DNAH11: variants seen among roughly 807,000 people sequenced by gnomAD.
DNAH11 encodes axonemal beta dynein heavy chain 11.
DNAH11 carries 442 observed loss-of-function variants against 526.0 expected under a neutral mutation model. The ratio of observed to expected loss-of-function variants is 0.84; its 90% CI spans 0.78 to 0.91. The LOEUF (loss-of-function observed/expected upper bound fraction) is 0.91. Among genes scored for constraint, DNAH11 ranks in the 40% least tolerant of loss-of-function variants. DNAH11 has a pLI of 0.00. For synonymous variants in DNAH11, 2,461 were observed against 1,935.9 expected (o/e 1.27, Z -7.12); for missense variants, 6,989 against 5,448.7 (o/e 1.28, Z -8.90).
intron 68 of DNAH11, 135 bp from the exon 69 acceptor site, chr7:21,861,718 C>G (rs1783069931): frequency 1.3e-6 from 1 of 761,948 alleles, no homozygotes; most frequent in Non-Finnish European, 2.1e-6. Flanking sequence ...GTGCCAGAAA[C>G]TATAATCCTC....
At chr7:21,773,665 T>C in intron 55 of DNAH11, 101 bp from the exon 56 acceptor site, 1 of 904,734 alleles carries the variant, frequency 1.1e-6, no homozygotes, top group Non-Finnish European at 1.6e-6. Context: ...TCATTTTTTT[T>C]TCTGACTTTT....
intron 8 of DNAH11, among the ~76,000 whole-genome samples, chr7:21,580,598 G>C (rs1310144538): frequency 6.6e-6 from 1 of 152,164 alleles, no homozygotes; most frequent in African/African-American, 2.4e-5. Flanking sequence ...GCTCCCGCAG[G>C]TTCAGTGTCT....
intron 56 of DNAH11, among the ~76,000 whole-genome samples, chr7:21,775,937 A>G (rs572113486): frequency 6.6e-6 from 1 of 152,298 alleles, no homozygotes; most frequent in South Asian, 2.1e-4. Context: ...GGGCATCCTT[A>G]GCAAAGAGAT....
chr7:21,688,866 C>T (rs1433714401), intron 34 of DNAH11, among the ~76,000 whole-genome samples: 8 of 152,190 alleles, frequency 5.3e-5, no homozygotes, highest in Admixed American at 5.2e-4. Flanking sequence ...AATTCTGGTT[C>T]TCTTTGTAAC....
rs938164165 is a variant in DNAH11 at position 21,766,219 on chromosome 7, A to G, written c.9102+630A>G. 5.3e-5 allele frequency among the ~76,000 whole-genome samples: 8 copies of G among 152,228 alleles called. No individual in the cohort carries two copies. The East Asian group carries it at 1.5e-3, about 29-fold the overall frequency. ...TGGCATTTTAAAATGGTTGTACAAA[A>G]CAAAACAACAAAAGCTTCAAGCATT... On this transcript the variant is annotated intron_variant, in intron 55 of 81. Transcript: ENST00000409508.
rs191278178 is a variant in DNAH11, at chr7:21,617,934, G to A, written c.4254+157G>A. ...GCCTTTTTGCTGTCTAGAAAAAGTC[G>A]CCTGATCCGACCAACAATTTAGAAA... On this transcript the variant is annotated intron_variant, in intron 23 of 81. Transcript: ENST00000409508. Among the ~76,000 whole-genome samples, 79 of 152,248 alleles carry A rather than the reference G, an allele frequency of 5.2e-4. 1 individual carries two copies. The highest frequency in any genetic ancestry group is 1.8e-3 in the African/African-American group (75 of 41,538).
At chr7:21,551,471 T>A (rs1392509463) in intron 2 of DNAH11, among the ~76,000 whole-genome samples, 4 of 152,190 alleles carry the variant, frequency 2.6e-5, no homozygotes, top group Non-Finnish European at 5.9e-5. Context: ...CTGTCCAGAT[T>A]TTTCCAAAAG....
At chr7:21,762,986 T>A (rs529311801) in intron 54 of DNAH11, among the ~76,000 whole-genome samples, 65 of 152,258 alleles carry the variant, frequency 4.3e-4, no homozygotes, top group Middle Eastern at 3.4e-3. Flanking sequence ...AAGGAATTAA[T>A]TAATTCACAT....
rs143384311 is a variant in DNAH11, at chr7:21,789,492, A to G, written c.10026+150A>G. ...GAGTGTATTTCCTTATATACCATTC[A>G]GTAGGTATTTCTTATCTGCTCTGTG... On this transcript the variant is annotated intron_variant, in intron 61 of 81. Coordinates refer to ENST00000409508, the MANE Select transcript of DNAH11 (RefSeq NM_001277115.2). 558 of 554,060 alleles carry G rather than the reference A, an allele frequency of 1.0e-3. 2 individuals are homozygous for G. The highest frequency in any genetic ancestry group is 9.5e-3 in the African/African-American group (502 of 52,936). 34.3% of individuals were successfully genotyped at this position (554,060 alleles called of 1,614,324 possible).
At chr7:21,689,892 C>T (rs1020120545) in intron 34 of DNAH11, among the ~76,000 whole-genome samples, 1 of 152,192 alleles carries the variant, frequency 6.6e-6, no homozygotes, top group African/African-American at 2.4e-5. Context: ...CTACCTGTCT[C>T]TCAATATGGC....
At chr7:21,621,690 T>C (rs1786064886) in intron 25 of DNAH11, among the ~76,000 whole-genome samples, 1 of 151,722 alleles carries the variant, frequency 6.6e-6, no homozygotes, top group Non-Finnish European at 1.5e-5. Flanking sequence ...ATAAATGTAA[T>C]CCAGCATATA....
chr7:21,571,030 T>G lies in DNAH11; in HGVS notation c.1425+731T>G, dbSNP rs546677261. Reference sequence around the variant, plus strand: ...TGTCTTGAGAATTCTCGTAATCACTTAAATGAGCCTGAATGCCTCTTCTGT... The same window carrying G: ...TGTCTTGAGAATTCTCGTAATCACTGAAATGAGCCTGAATGCCTCTTCTGT... On this transcript the variant is annotated intron_variant, in intron 7 of 81. Transcript: ENST00000409508. Among the ~76,000 whole-genome samples, 8 of 152,314 alleles carry G rather than the reference T, an allele frequency of 5.3e-5. No homozygotes were observed. In the East Asian group the frequency reaches 1.5e-3, roughly 29 times the overall value.
rs1784698387 is a variant in DNAH11, at chr7:21,900,013, G to A, written c.13196G>A (p.Trp4399Ter). 1 of 1,613,842 alleles carries A rather than the reference G, an allele frequency of 6.2e-7. No individual in the cohort carries two copies. The highest frequency in any genetic ancestry group is 8.5e-7 in the Non-Finnish European group (1 of 1,179,854). Residue 4399 changes from tryptophan (W) to a stop codon, truncating the protein, a stop_gained, in exon 81 of 82, where the codon TGG becomes TAG. Transcript: ENST00000409508. LOFTEE classifies it high-confidence loss of function. ...IMQTMARKNE[W>*]PLDKTRLTAD... ...CAGACGATGGCTCGAAAAAATGAGT[G>A]GCCCCTGGATAAAACGCGCTTGACT...
intron 28 of DNAH11, among the ~76,000 whole-genome samples, chr7:21,647,187 T>A (rs1384005703): frequency 6.6e-6 from 1 of 152,046 alleles, no homozygotes; most frequent in Non-Finnish European, 1.5e-5. Context: ...CCAAAAGTTC[T>A]CCAAATTGAT....
At chr7:21,648,186 T>C (rs1787445754) in intron 28 of DNAH11, among the ~76,000 whole-genome samples, 1 of 152,220 alleles carries the variant, frequency 6.6e-6, no homozygotes, top group Non-Finnish European at 1.5e-5. Context: ...CAGTAGGTAT[T>C]GTCTGTTTGG....
chr7:21,594,480 T>C (rs1398161191), intron 14 of DNAH11, among the ~76,000 whole-genome samples: 1 of 152,174 alleles, frequency 6.6e-6, no homozygotes, highest in African/African-American at 2.4e-5. Flanking sequence ...TAAGTCGTGC[T>C]GTGTTAGAAC....
intron 46 of DNAH11, among the ~76,000 whole-genome samples, chr7:21,737,154 A>G (rs1484953494): frequency 6.6e-6 from 1 of 152,224 alleles, no homozygotes; most frequent in Non-Finnish European, 1.5e-5. Context: ...AAATGGGCAA[A>G]GAAGATTAGG....
intron 30 of DNAH11, among the ~76,000 whole-genome samples, chr7:21,659,292 T>C (rs1434035338): frequency 6.7e-6 from 1 of 149,616 alleles, no homozygotes; most frequent in Non-Finnish European, 1.5e-5. Context: ...CTGTACATGC[T>C]TATTTTCTTC....
intron 78 of DNAH11, 28 bp from the exon 79 acceptor site, chr7:21,894,856 A>G (rs1350565912): frequency 6.2e-7 from 1 of 1,613,068 alleles, no homozygotes; most frequent in African/African-American, 1.3e-5. Context: ...GAAGATATTC[A>G]CTGTGTGGCT....
Sources: gnomAD v4.1 joint callset for allele counts (sites outside exome capture counted in the v4.1 genomes callset) on GRCh38, gnomAD v4.1.1 for gene constraint, MANE v1.5 for transcripts, NCBI Gene and HGNC (gene_info 2026-07-23, HGNC 2026-07-21) for gene names.